The following OPCML variants were observed in gnomAD, a reference collection of about 807,000 sequenced individuals.
The protein encoded by OPCML is opioid binding protein/cell adhesion molecule like, also known as opioid-binding protein/cell adhesion molecule.
Under a neutral mutation model 37.8 loss-of-function variants are expected in OPCML, and 13 were observed. The ratio of observed to expected loss-of-function variants is 0.34; its 90% CI spans 0.22 to 0.55. The LOEUF (loss-of-function observed/expected upper bound fraction) is 0.55, where lower values mean the gene tolerates loss of function less well. OPCML is among the 20% of genes least tolerant of loss of function. The probability of loss-of-function intolerance (pLI) is 0.91; values close to 1 mark genes in which losing one functional copy is unlikely to be tolerated. For missense variants in OPCML, 341 were observed against 435.6 expected, an observed-to-expected ratio of 0.78 and a Z score of 1.93; for synonymous variants, 176 against 168.8, an observed-to-expected ratio of 1.04 and a Z score of -0.33.
At chr11:133,477,021 G>A (rs1947254919) in intron 1 of OPCML, among the ~76,000 whole-genome samples, 1 of 152,112 alleles carries the variant, frequency 6.6e-6, no homozygotes. Context: ...CAGGACCCTT[G>A]GGAAATGCAC....
intron 1 of OPCML, among the ~76,000 whole-genome samples, chr11:133,108,381 G>A (rs977629091): frequency 2.6e-5 from 4 of 152,076 alleles, no homozygotes; most frequent in Non-Finnish European, 4.4e-5. Context: ...GTGGACTGTC[G>A]TCAGACTTTT....
intron 2 of OPCML, among the ~76,000 whole-genome samples, chr11:132,812,858 C>T (rs1046403135): frequency 6.6e-6 from 1 of 152,194 alleles, no homozygotes; most frequent in African/African-American, 2.4e-5. Flanking sequence ...ATCTCCCTAG[C>T]ACTTAATACA....
In OPCML at chr11:133,532,093, G is replaced by A; in HGVS notation, c.61+171C>T. On this transcript the variant is annotated intron_variant, in intron 1 of 7. Coordinates refer to ENST00000524381, the MANE Select transcript of OPCML (RefSeq NM_001012393.5). ...AAAGCATCTGCGCGCGTGTGAGCGA[G>A]TGAGTGTGTGTGTGCGTGCACACAG... 3 of 651,654 alleles carry A rather than the reference G, an allele frequency of 4.6e-6. No individual in the cohort carries two copies. The South Asian group carries it at 2.0e-4, about 44-fold the overall frequency. The allele number at this position is 651,654 out of a possible 1,614,324, so 40.4% of individuals were successfully genotyped here.
At chr11:133,066,463 C>T (rs945869414) in intron 1 of OPCML, 3 of 152,198 alleles carry the variant, frequency 2.0e-5, no homozygotes, top group Non-Finnish European at 4.4e-5. Flanking sequence ...AGGAACCAAA[C>T]TCTGGTCCTG....
intron 2 of OPCML, among the ~76,000 whole-genome samples, chr11:132,742,834 T>C (rs1338722334): frequency 2.0e-5 from 3 of 150,722 alleles, no homozygotes; most frequent in Non-Finnish European, 3.0e-5. Flanking sequence ...ACTCATTATA[T>C]ATAATGTATA....
intron 1 of OPCML, among the ~76,000 whole-genome samples, chr11:133,294,795 TTTTC>T (rs1565555099): frequency 4.1e-5 from 6 of 147,448 alleles, no homozygotes; most frequent in South Asian, 2.1e-4. Context: ...TTCTTTTTTT[TTTTC>T]TTTCTTTCTT....
At chr11:133,230,460 GA>G (rs1940230274) in intron 1 of OPCML, among the ~76,000 whole-genome samples, 1 of 152,192 alleles carries the variant, frequency 6.6e-6, no homozygotes, top group South Asian at 2.1e-4. Context: ...TGTAGACCCA[GA>G]AGGGATGCTG....
chr11:132,939,247 C>T (rs1296283320), intron 2 of OPCML, among the ~76,000 whole-genome samples: 1 of 152,204 alleles, frequency 6.6e-6, no homozygotes, highest in Non-Finnish European at 1.5e-5. Context: ...AGGCAAACAA[C>T]AGAACTTTAG....
chr11:133,082,043 G>A (rs1591983999), intron 1 of OPCML, among the ~76,000 whole-genome samples: 2 of 152,156 alleles, frequency 1.3e-5, no homozygotes, highest in East Asian at 1.9e-4. Context: ...TCTAGCGCGC[G>A]TTCTTTACTG....
chr11:132,686,000 C>A (rs920741042), intron 2 of OPCML, among the ~76,000 whole-genome samples: 17 of 152,184 alleles, frequency 1.1e-4, no homozygotes, highest in Non-Finnish European at 2.5e-4. Flanking sequence ...AGTTGTGGGG[C>A]ATGAGGCATG....
intron 4 of OPCML, among the ~76,000 whole-genome samples, chr11:132,461,480 G>A (rs1357232038): frequency 1.3e-5 from 2 of 152,098 alleles, no homozygotes; most frequent in South Asian, 2.1e-4. Flanking sequence ...CATACCTGAC[G>A]CTATACATCT....
At chr11:133,419,835 T>TTTGACTA (rs1945848052) in intron 1 of OPCML, among the ~76,000 whole-genome samples, 1 of 152,244 alleles carries the variant, frequency 6.6e-6, no homozygotes, top group African/African-American at 2.4e-5. Context: ...GGAAATATTG[T>TTTGACTA]TTGACTATTC....
intron 1 of OPCML, chr11:133,365,441 A>G (rs7943601): frequency 0.092 from 14,011 of 152,192 alleles, 725 homozygotes; most frequent in Admixed American, 0.15. Flanking sequence ...GAGAAAAACC[A>G]TCTTTCTCAC....
chr11:132,577,564 C>G (rs1437731339), intron 3 of OPCML, among the ~76,000 whole-genome samples: 1 of 152,012 alleles, frequency 6.6e-6, no homozygotes, highest in African/African-American at 2.4e-5. Flanking sequence ...CAATGAATAC[C>G]CTACCGAAAG....
intron 1 of OPCML, among the ~76,000 whole-genome samples, chr11:133,328,871 T>C (rs981161740): frequency 8.6e-5 from 13 of 152,040 alleles, no homozygotes; most frequent in African/African-American, 2.9e-4. Context: ...GGTATTCAAT[T>C]AGGAAAAGAG....
chr11:133,465,997 A>G (rs1052417031), intron 1 of OPCML, among the ~76,000 whole-genome samples: 1 of 152,208 alleles, frequency 6.6e-6, no homozygotes, highest in Non-Finnish European at 1.5e-5. Flanking sequence ...ACAAAATAAA[A>G]TGTCTGTTGA....
intron 1 of OPCML, among the ~76,000 whole-genome samples, chr11:133,101,356 C>G (rs1476295809): frequency 6.6e-6 from 1 of 152,136 alleles, no homozygotes; most frequent in African/African-American, 2.4e-5. Flanking sequence ...AAGCCACAAA[C>G]TGGGAGAAAA....
At chr11:133,391,570 T>C (rs1438428334) in intron 1 of OPCML, among the ~76,000 whole-genome samples, 1 of 152,184 alleles carries the variant, frequency 6.6e-6, no homozygotes, top group Admixed American at 6.5e-5. Flanking sequence ...TGAGCCACCA[T>C]ATCCCTCCAT....
At chr11:132,846,286 G>A (rs976206821) in intron 2 of OPCML, among the ~76,000 whole-genome samples, 5 of 152,256 alleles carry the variant, frequency 3.3e-5, no homozygotes, top group South Asian at 4.2e-4. Flanking sequence ...AAGGCTGAGC[G>A]CCCCCACTCG....
Sources: gnomAD v4.1 joint callset for allele counts (sites outside exome capture counted in the v4.1 genomes callset) on GRCh38, gnomAD v4.1.1 for gene constraint, MANE v1.5 for transcripts, NCBI Gene and HGNC (gene_info 2026-07-23, HGNC 2026-07-21) for gene names.